Variants in DYNC2H1 observed in about 807,000 individuals in gnomAD.
DYNC2H1 encodes the protein dynein cytoplasmic 2 heavy chain 1, also known as cytoplasmic dynein 2 heavy chain 1.
In DYNC2H1, 410 loss-of-function variants were observed where a neutral mutation model predicts 570.0. That is an observed-to-expected ratio of 0.72 (90% CI 0.66 to 0.78). DYNC2H1 has a LOEUF of 0.78. Ranked by LOEUF, DYNC2H1 falls within the 30% of genes least tolerant of loss-of-function variation. The probability of loss-of-function intolerance (pLI) is 0.00; values close to 1 mark genes in which losing one functional copy is unlikely to be tolerated. For synonymous variants in DYNC2H1, 1,688 were observed against 1,677.6 expected, an observed-to-expected ratio of 1.01 and a Z score of -0.15; for missense variants, 4,865 against 5,046.4, an observed-to-expected ratio of 0.96 and a Z score of 1.09.
At chr11:103,286,040 G>C (rs1022108711) in intron 73 of DYNC2H1, among the ~76,000 whole-genome samples, 3 of 152,154 alleles carry the variant, frequency 2.0e-5, no homozygotes, top group African/African-American at 7.2e-5. Context: ...TACTGATTTA[G>C]TACTACTTTG....
intron 18 of DYNC2H1, 32 bp downstream of exon 18, chr11:103,143,427 A>G (rs1860070779): frequency 2.6e-6 from 4 of 1,554,672 alleles, no homozygotes; most frequent in Admixed American, 2.0e-5. Context: ...CTTACGTACC[A>G]TAATAATTTT....
chr11:103,388,150 C>A (rs781500017), intron 83 of DYNC2H1, among the ~76,000 whole-genome samples: 1 of 152,114 alleles, frequency 6.6e-6, no homozygotes, highest in Non-Finnish European at 1.5e-5. Flanking sequence ...GAATGTTCTT[C>A]GATTTGTTTG....
intron 83 of DYNC2H1, among the ~76,000 whole-genome samples, chr11:103,384,714 G>T (rs900296407): frequency 4.6e-5 from 7 of 152,038 alleles, no homozygotes; most frequent in Non-Finnish European, 7.4e-5. Flanking sequence ...AACTTTATAT[G>T]CAGTTATGAT....
intron 72 of DYNC2H1, 116 bp from the exon 73 acceptor site, chr11:103,282,892 A>G: frequency 2.8e-6 from 2 of 710,090 alleles, no homozygotes; most frequent in Non-Finnish European, 4.6e-6. Context: ...AAAAATATAA[A>G]GAAATAATGC....
In DYNC2H1 at chr11:103,115,307, A is replaced by G; in HGVS notation, c.621+12A>G. On this transcript the variant is annotated intron_variant, in intron 4 of 88. Coordinates refer to ENST00000375735, the MANE Select transcript of DYNC2H1 (RefSeq NM_001377.3). ...AAACAATTGCAAGAGTATGTGATTC[A>G]TAAATGGTGATATATTGGGCTTCTT... 1 of 1,525,124 alleles carries G rather than the reference A, an allele frequency of 6.6e-7. No homozygotes were observed. Among genetic ancestry groups the G allele is most frequent in the Middle Eastern group, 1.7e-4 (1 of 5,806 alleles). The allele number at this position is 1,525,124 out of a possible 1,614,324, so 94.5% of individuals were successfully genotyped here. A position where few individuals can be genotyped will look rare whatever the true frequency, so the allele number is the denominator to read the frequency against.
chr11:103,287,116 TG>T (rs1346617987), intron 74 of DYNC2H1, among the ~76,000 whole-genome samples: 1 of 152,026 alleles, frequency 6.6e-6, no homozygotes, highest in Non-Finnish European at 1.5e-5. Context: ...CACTCCAGCC[TG>T]GGTGACAGGG....
intron 82 of DYNC2H1, among the ~76,000 whole-genome samples, chr11:103,351,026 C>T (rs1401961384): frequency 1.3e-5 from 2 of 152,186 alleles, no homozygotes; most frequent in Admixed American, 6.5e-5. Flanking sequence ...CTTCACTTTA[C>T]AGCAAACTAT....
Position 103,455,174 on chromosome 11 carries a change from C to G in DYNC2H1, c.12457-12C>G. ...TGTGTGTATTTATATGTTCATATTT[C>G]CCCCCCTCTAGAACTGGGTAGATAA... On this transcript the variant is annotated splice_polypyrimidine_tract_variant and intron_variant, in intron 85 of 88. Transcript: ENST00000375735. The G allele has an allele frequency of 6.3e-7, 1 of 1,584,176 alleles. No individual in the cohort carries two copies. Among genetic ancestry groups the G allele is most frequent in the Non-Finnish European group, 8.7e-7 (1 of 1,154,748 alleles).
intron 45 of DYNC2H1, among the ~76,000 whole-genome samples, chr11:103,190,313 T>A (rs190045852): frequency 2.6e-5 from 4 of 152,296 alleles, no homozygotes; most frequent in Admixed American, 2.6e-4. Flanking sequence ...CCAGTAGTAG[T>A]CCTAGGGATG....
chr11:103,297,575 T>C (rs1312040066), intron 75 of DYNC2H1, among the ~76,000 whole-genome samples: 2 of 152,126 alleles, frequency 1.3e-5, no homozygotes, highest in Non-Finnish European at 2.9e-5. Flanking sequence ...CTGAATGCTA[T>C]AGGCAATTGT....
intron 82 of DYNC2H1, among the ~76,000 whole-genome samples, chr11:103,337,007 GC>G (rs1565506116): frequency 6.6e-6 from 1 of 152,070 alleles, no homozygotes; most frequent in African/African-American, 2.4e-5. Flanking sequence ...TGGCCATGAC[GC>G]CCACGCTGAA....
chr11:103,135,346 T>A, intron 15 of DYNC2H1, 149 bp from the exon 16 acceptor site: 1 of 601,728 alleles, frequency 1.7e-6, no homozygotes, highest in East Asian at 3.3e-5. Context: ...ATACGGAGAG[T>A]AACAAGGATG....
Position 103,122,831 on chromosome 11 carries a change from G to A in DYNC2H1, c.1492G>A (p.Asp498Asn), listed in dbSNP as rs766948208. 21 of 1,612,168 alleles carry A rather than the reference G, an allele frequency of 1.3e-5. No individual in the cohort carries two copies. Among genetic ancestry groups the A allele is most frequent in the Non-Finnish European group, 1.8e-5 (21 of 1,179,006 alleles). ...TGTAATTTGGCTTTTTAAGGTAGAT[G>A]ATACTATCAAGATTGCAGAGGCTCT... ...WVRQLELKVD[D>N]TIKIAEALLS... The change falls in exon 11 of 89, where the codon GAT becomes AAT. Residue 498 changes from aspartate to asparagine, a missense_variant. Coordinates refer to ENST00000375735, the MANE Select transcript of DYNC2H1 (RefSeq NM_001377.3).
chr11:103,414,298 C>A (rs190064851), intron 84 of DYNC2H1, among the ~76,000 whole-genome samples: 2 of 152,216 alleles, frequency 1.3e-5, no homozygotes, highest in East Asian at 3.9e-4. Context: ...AATTCAACAA[C>A]TTAGGTGAAA....
chr11:103,233,855 TGTGTGTGTGTGTGTGTGTGTGTGG>T (rs1270292000), intron 60 of DYNC2H1, among the ~76,000 whole-genome samples, 155 bp from the exon 61 acceptor site: 4 of 109,920 alleles, frequency 3.6e-5, no homozygotes, highest in African/African-American at 6.2e-5. Flanking sequence ...TGTGTGTGTG[TGTGTGTGTGTGTGTGTGTGTGTGG>T]GTTTGTCTCT....
chr11:103,369,592 G>A lies in DYNC2H1; in HGVS notation c.12156+11233G>A, dbSNP rs1941060121. Among the ~76,000 whole-genome samples, 1 of 152,154 alleles carries A rather than the reference G, an allele frequency of 6.6e-6. No homozygotes were observed. Among genetic ancestry groups the A allele is most frequent in the Non-Finnish European group, 1.5e-5 (1 of 68,040 alleles). ...TGAGGAGAGGAGGGTAAAAAGTGGG[G>A]AGGATTTTGTCTTGCATCTTGGATA... On this transcript the variant is annotated intron_variant, in intron 83 of 88. Transcript: ENST00000375735. This position sits in a 1 kb window ranked among gnomAD's most constrained non-coding sequence, Gnocchi z 4.0.
chr11:103,267,999 TA>T (rs1865574467), intron 70 of DYNC2H1, among the ~76,000 whole-genome samples: 2 of 152,048 alleles, frequency 1.3e-5, no homozygotes, highest in Admixed American at 1.3e-4. Context: ...CAGTGAATAT[TA>T]GATTATTTAT....
At chr11:103,242,067 C>G (rs199547223) in intron 63 of DYNC2H1, among the ~76,000 whole-genome samples, 14 of 152,090 alleles carry the variant, frequency 9.2e-5, no homozygotes, top group South Asian at 6.3e-4. Flanking sequence ...TTCTCCTGGG[C>G]ATGTGTTCCA....
At chr11:103,132,438 T>TA (rs1170279120) in intron 13 of DYNC2H1, among the ~76,000 whole-genome samples, 2 of 152,138 alleles carry the variant, frequency 1.3e-5, no homozygotes, top group African/African-American at 4.8e-5. Flanking sequence ...ATGGCTGCCT[T>TA]AAAATCCTTG....
Sources: gnomAD v4.1 joint callset for allele counts (sites outside exome capture counted in the v4.1 genomes callset) on GRCh38, gnomAD v4.1.1 for gene constraint, Gnocchi (gnomAD v3.1) non-coding constraint, MANE v1.5 for transcripts, NCBI Gene and HGNC (gene_info 2026-07-23, HGNC 2026-07-21) for gene names.